DOP1B: variants seen among roughly 807,000 people sequenced by gnomAD.
DOP1B encodes protein DOP1B.
A neutral mutation model predicts 233.5 loss-of-function variants in DOP1B; 174 were observed. The observed-to-expected ratio is 0.75, with a 90% confidence interval of 0.66 to 0.85. The LOEUF (loss-of-function observed/expected upper bound fraction) is 0.85. Ranked by LOEUF, DOP1B falls within the 40% of genes least tolerant of loss-of-function variation. The pLI, the probability that DOP1B is intolerant of heterozygous loss-of-function variation, is 0.00. For synonymous variants in DOP1B, 1,190 were observed against 1,185.6 expected, an observed-to-expected ratio of 1.00 and a Z score of -0.08; for missense variants, 2,652 against 2,846.6, an observed-to-expected ratio of 0.93 and a Z score of 1.56.
chr21:36,246,401 G>C lies in DOP1B; in HGVS notation c.4421G>C (p.Arg1474Thr). 6.2e-7 allele frequency: 1 copy of C among 1,613,436 alleles called. No individual in the cohort carries two copies. Among genetic ancestry groups the C allele is most frequent in the Non-Finnish European group, 8.5e-7 (1 of 1,179,814 alleles). Residue 1474 changes from arginine (R) to threonine (T), a missense_variant, in exon 19 of 37, where the codon AGA (arginine) becomes ACA (threonine). Transcript: ENST00000691173. The surrounding 1 kb of genome is among the most constrained non-coding windows in gnomAD (Gnocchi z 5.1). Reference protein sequence around the residue: ...NQPDLSREWQRALNFQQAISA... With the variant: ...NQPDLSREWQTALNFQQAISA... Reference sequence around the variant, plus strand: ...CCCGACCTGTCCCGGGAGTGGCAGAGAGCCCTGAACTTCCAGCAGGCCATC... The same window carrying C: ...CCCGACCTGTCCCGGGAGTGGCAGACAGCCCTGAACTTCCAGCAGGCCATC...
chr21:36,253,859 C>G lies in DOP1B; in HGVS notation c.5209C>G (p.Leu1737Val). 1 of 1,614,042 alleles carries G rather than the reference C, an allele frequency of 6.2e-7. No individual in the cohort carries two copies. Among genetic ancestry groups the G allele is most frequent in the Non-Finnish European group, 8.5e-7 (1 of 1,179,994 alleles). Reference sequence around the variant, plus strand: ...CCTGCAGACTGACACGCTGCTGCACCTGGTGAAGGAGGTGGTGAAGAGGCC... The same window carrying G: ...CCTGCAGACTGACACGCTGCTGCACGTGGTGAAGGAGGTGGTGAAGAGGCC... ...STLQTDTLLHLVKEVVKRPPQ... is the reference protein window; with the variant it reads ...STLQTDTLLHVVKEVVKRPPQ... Residue 1737 changes from leucine (L) to valine (V), a missense_variant, in exon 23 of 37, where the codon CTG (leucine) becomes GTG (valine). Leu to Val is a conservative substitution (Grantham distance 32, BLOSUM62 1). Transcript: ENST00000691173.
chr21:36,205,831 C>T (rs945205156), intron 4 of DOP1B, among the ~76,000 whole-genome samples: 1 of 151,586 alleles, frequency 6.6e-6, no homozygotes, highest in African/African-American at 2.4e-5. Flanking sequence ...ATGGTGAAAC[C>T]CCGTATCTAC....
At chr21:36,212,665 A>G (rs77394757) in intron 7 of DOP1B, among the ~76,000 whole-genome samples, 3,213 of 152,316 alleles carry the variant, frequency 0.021, 49 homozygotes, top group Non-Finnish European at 0.033. Flanking sequence ...GGAAATTGCA[A>G]CTTTAAAGAT....
intron 4 of DOP1B, among the ~76,000 whole-genome samples, chr21:36,200,836 C>T (rs1271498429): frequency 6.8e-6 from 1 of 147,124 alleles, no homozygotes; most frequent in African/African-American, 2.5e-5. Context: ...GAGACTCTGT[C>T]TCGAAAAAAA....
At chr21:36,238,153 C>G (rs1283232876) in intron 16 of DOP1B, among the ~76,000 whole-genome samples, 1 of 152,164 alleles carries the variant, frequency 6.6e-6, no homozygotes, top group Non-Finnish European at 1.5e-5. Flanking sequence ...GGTGACAGAG[C>G]AAGACTCCGT....
chr21:36,177,109 A>G (rs754314912), intron 2 of DOP1B, among the ~76,000 whole-genome samples: 42 of 152,120 alleles, frequency 2.8e-4, no homozygotes, highest in Admixed American at 6.5e-5. Context: ...CACCGTGCCC[A>G]GTCCTAACTC....
intron 23 of DOP1B, among the ~76,000 whole-genome samples, chr21:36,258,970 CTGT>C (rs1322215047): frequency 1.2e-4 from 16 of 129,740 alleles, no homozygotes; most frequent in Admixed American, 3.4e-4. Flanking sequence ...TTGCCTTTCA[CTGT>C]TTTTTTTTTT....
At chr21:36,206,468 T>A (rs1186084315) in intron 4 of DOP1B, among the ~76,000 whole-genome samples, 1 of 151,012 alleles carries the variant, frequency 6.6e-6, no homozygotes, top group African/African-American at 2.4e-5. Context: ...AGGTCAGGGC[T>A]GCAGTGAGCT....
intron 7 of DOP1B, among the ~76,000 whole-genome samples, chr21:36,212,488 G>A (rs2066511310): frequency 6.6e-6 from 1 of 152,182 alleles, no homozygotes; most frequent in Non-Finnish European, 1.5e-5. Flanking sequence ...GATAAAGGAG[G>A]AGGTTTTGTG....
chr21:36,181,429 C>T (rs185902691), intron 2 of DOP1B, among the ~76,000 whole-genome samples: 3 of 152,288 alleles, frequency 2.0e-5, no homozygotes, highest in African/African-American at 4.8e-5. Context: ...CAGGCGTGTG[C>T]CACCACGCCC....
At chr21:36,255,627 T>C (rs1312156412) in intron 23 of DOP1B, among the ~76,000 whole-genome samples, 1 of 151,696 alleles carries the variant, frequency 6.6e-6, no homozygotes, top group Admixed American at 6.6e-5. Flanking sequence ...GTGACGGGGT[T>C]TGCCACATTG....
intron 30 of DOP1B, among the ~76,000 whole-genome samples, chr21:36,279,060 A>G (rs1040257086): frequency 6.6e-6 from 1 of 152,084 alleles, no homozygotes; most frequent in African/African-American, 2.4e-5. Context: ...GCAGCCAAGC[A>G]GAGATCCACT....
At position 36,251,234 on chromosome 21, in the gene DOP1B, G is replaced by T. The variant is rs2067029456; in HGVS notation, c.5071G>T (p.Val1691Phe). 1 of 1,613,916 alleles carries T rather than the reference G, an allele frequency of 6.2e-7. No homozygotes were observed. The highest frequency in any genetic ancestry group is 1.3e-5 in the African/African-American group (1 of 74,920). The change falls in exon 22 of 37, where the codon GTT becomes TTT. Residue 1691 changes from valine to phenylalanine, a missense_variant. This residue lies in a region of DOP1B where 2,617 missense variants were observed against 2,794.3 expected (regional missense o/e 0.94). Coordinates refer to ENST00000691173, the MANE Select transcript of DOP1B (RefSeq NM_001320714.2). ...AHLGVQLTAA[V>F]AAVWSRKKAQ... ...TCTTGGGGTTCAGTTGACAGCGGCT[G>T]TTGCGGCAGTGTGGAGCAGAAAGAA... is the stretch of plus-strand genomic sequence containing the variant.
Position 36,246,757 on chromosome 21 carries a change from A to G in DOP1B, c.4697+80A>G. ...AATGACTGTTTTGCCACGGATGTGG[A>G]TGTCGGTTGGAGGATAATTTCATCC... On this transcript the variant is annotated intron_variant, in intron 19 of 36. Coordinates refer to ENST00000691173, the MANE Select transcript of DOP1B (RefSeq NM_001320714.2). This position sits in a 1 kb window ranked among gnomAD's most constrained non-coding sequence, Gnocchi z 5.1. The G allele has an allele frequency of 2.6e-6, 4 of 1,511,056 alleles. No individual in the cohort carries two copies. The highest frequency in any genetic ancestry group is 3.6e-6 in the Non-Finnish European group (4 of 1,121,806). 93.6% of individuals were successfully genotyped at this position (1,511,056 alleles called of 1,614,324 possible). A position where few individuals can be genotyped will look rare whatever the true frequency, so the allele number is the denominator to read the frequency against.
intron 15 of DOP1B, among the ~76,000 whole-genome samples, chr21:36,236,777 C>CTTTTTTTTTTTTTTTTTTTTTTTTTTTT (rs35374710): frequency 7.6e-5 from 9 of 118,558 alleles, no homozygotes; most frequent in Non-Finnish European, 1.3e-4. Context: ...TTTTCTTTTT[C>CTTTTTTTTTTTTTTTTTTTTTTTTTTTT]TTTTTTTTTT....
Position 36,208,712 on chromosome 21 carries a change from C to G in DOP1B, c.492-3C>G. 6.2e-7 allele frequency: 1 copy of G among 1,612,342 alleles called. No homozygotes were observed. Among genetic ancestry groups the G allele is most frequent in the South Asian group, 1.1e-5 (1 of 90,920 alleles). On this transcript the variant is annotated splice_region_variant and splice_polypyrimidine_tract_variant and intron_variant, in intron 4 of 36. Coordinates refer to ENST00000691173, the MANE Select transcript of DOP1B (RefSeq NM_001320714.2). ...CTTGAACCCTATCCTCTCTCATCAA[C>G]AGAACGGATGCTCTGCTCCTGAGAC...
At chr21:36,228,014 G>A (rs1404554851) in intron 13 of DOP1B, 137 bp downstream of exon 13, 2 of 908,422 alleles carry the variant, frequency 2.2e-6, no homozygotes, top group Non-Finnish European at 3.1e-6. Context: ...AAATATGCTT[G>A]TAAAACCCTC....
intron 32 of DOP1B, among the ~76,000 whole-genome samples, chr21:36,285,975 T>A (rs2067478936): frequency 6.6e-6 from 1 of 151,394 alleles, no homozygotes; most frequent in African/African-American, 2.4e-5. Flanking sequence ...GCCACTGCAC[T>A]CCAGCCTGGG....
At chr21:36,198,665 T>A (rs968331205) in intron 2 of DOP1B, among the ~76,000 whole-genome samples, 1 of 152,112 alleles carries the variant, frequency 6.6e-6, no homozygotes, top group Admixed American at 6.6e-5. Flanking sequence ...GGTGCTGTTT[T>A]CCTCCTGGAG....
Sources: allele counts gnomAD v4.1 joint callset (sites outside exome capture counted in the v4.1 genomes callset), GRCh38; gene constraint gnomAD v4.1.1; regional missense constraint gnomAD v4.1.1; non-coding constraint Gnocchi (gnomAD v3.1); transcripts MANE v1.5; gene names NCBI Gene and HGNC (gene_info 2026-07-23, HGNC 2026-07-21).